SUPT6H: variants seen among roughly 807,000 people sequenced by gnomAD.
The protein encoded by SUPT6H is transcription elongation factor SPT6.
In SUPT6H, 11 loss-of-function variants were observed where a neutral mutation model predicts 222.3. The observed-to-expected ratio is 0.05, with a 90% CI of 0.03 to 0.08. The LOEUF (loss-of-function observed/expected upper bound fraction) is 0.08. SUPT6H is among the 10% of genes least tolerant of loss of function. SUPT6H has a pLI of 1.00. For missense variants in SUPT6H, 1,422 were observed against 2,216.0 expected (o/e 0.64, Z 7.19); for synonymous variants, 762 against 801.2 (o/e 0.95, Z 0.83).
chr17:28,686,269 T>C (rs945356156), intron 19 of SUPT6H, 70 bp from the exon 20 acceptor site: 6 of 1,379,348 alleles, frequency 4.3e-6, no homozygotes, highest in East Asian at 2.3e-5. Flanking sequence ...ATCTCCAACA[T>C]AGGGAGACAG....
chr17:28,696,455 G>A (rs1029083494), intron 29 of SUPT6H, among the ~76,000 whole-genome samples: 1 of 150,656 alleles, frequency 6.6e-6, no homozygotes, highest in Non-Finnish European at 1.5e-5. Flanking sequence ...AAACTAGCCA[G>A]GCGTGGTGGT....
At chr17:28,678,500 C>A in intron 9 of SUPT6H, 45 bp from the exon 10 acceptor site, 1 of 1,579,430 alleles carries the variant, frequency 6.3e-7, no homozygotes, top group Non-Finnish European at 8.7e-7. Flanking sequence ...GGGATCTTAG[C>A]AAATCTGTCT....
chr17:28,674,716 C>T (rs1224407985), intron 4 of SUPT6H, 103 bp downstream of exon 4: 9 of 1,101,024 alleles, frequency 8.2e-6, no homozygotes, highest in Non-Finnish European at 1.3e-5. Context: ...GTTTGGAGAA[C>T]ATTAGAGCAC....
chr17:28,667,471 GTA>G lies in SUPT6H; in HGVS notation c.-32+5135_-32+5136del, dbSNP rs1269661845. Among the ~76,000 whole-genome samples, 24 of 131,208 alleles carry G rather than the reference GTA, an allele frequency of 1.8e-4. No individual in the cohort carries two copies. The South Asian group carries it at 5.0e-3, about 27-fold the overall frequency. The allele number at this position is 131,208 out of a possible 152,430, so 86.1% of individuals were successfully genotyped here. ...TGTGTATACATATGTATGTATATGT[GTA>G]TATATGTGTGTGTATATATGTATAT... On this transcript the variant is annotated intron_variant, in intron 1 of 36. Transcript: ENST00000314616.
chr17:28,691,732 C>T (rs948069170), intron 27 of SUPT6H: 6 of 151,984 alleles, frequency 3.9e-5, no homozygotes, highest in African/African-American at 7.3e-5. Context: ...CACCTGTAGT[C>T]CCAGCCACTC....
intron 26 of SUPT6H, among the ~76,000 whole-genome samples, chr17:28,690,667 G>C (rs532997017): frequency 6.6e-6 from 1 of 152,120 alleles, no homozygotes; most frequent in African/African-American, 2.4e-5. Flanking sequence ...CCAGCTACTC[G>C]GGAGGCTGAG....
chr17:28,677,989 A>G, intron 8 of SUPT6H, 87 bp from the exon 9 acceptor site: 1 of 1,431,536 alleles, frequency 7.0e-7, no homozygotes, highest in East Asian at 2.3e-5. Flanking sequence ...TCATCTAGAA[A>G]GGTTATCCTT....
At chr17:28,663,184 C>T (rs990434622) in intron 1 of SUPT6H, among the ~76,000 whole-genome samples, 2 of 152,132 alleles carry the variant, frequency 1.3e-5, no homozygotes, top group Admixed American at 6.5e-5. Flanking sequence ...TTAATTTCTT[C>T]GGAAAAATGT....
intron 35 of SUPT6H, 89 bp downstream of exon 35, chr17:28,700,601 G>C: frequency 3.3e-6 from 5 of 1,497,042 alleles, no homozygotes; most frequent in Non-Finnish European, 3.6e-6. Flanking sequence ...CACATGCACA[G>C]ATGGGGCTGC....
At chr17:28,700,291 A>G (rs904043047) in intron 34 of SUPT6H, 41 bp downstream of exon 34, 26 of 1,614,188 alleles carry the variant, frequency 1.6e-5, no homozygotes, top group Non-Finnish European at 2.2e-5. Flanking sequence ...GGAAGGATGG[A>G]GCTAAAGGGA....
chr17:28,677,940 C>A, intron 8 of SUPT6H, 124 bp downstream of exon 8: 1 of 1,279,902 alleles, frequency 7.8e-7, no homozygotes, highest in Non-Finnish European at 1.1e-6. Flanking sequence ...TGTATGTAGT[C>A]CCAACAAGTG....
intron 31 of SUPT6H, 46 bp from the exon 32 acceptor site, chr17:28,697,860 C>G: frequency 1.9e-6 from 3 of 1,609,732 alleles, no homozygotes; most frequent in Non-Finnish European, 2.5e-6. Flanking sequence ...ACGTTGTGTA[C>G]CAAGCATGCT....
At chr17:28,675,323 C>A in intron 5 of SUPT6H, 78 bp from the exon 6 acceptor site, 1 of 1,548,102 alleles carries the variant, frequency 6.5e-7, no homozygotes, top group Admixed American at 1.7e-5. Context: ...ACTGGCCACT[C>A]ACATAGTAGG....
intron 20 of SUPT6H, 97 bp from the exon 21 acceptor site, chr17:28,686,557 A>G: frequency 6.5e-7 from 1 of 1,543,832 alleles, no homozygotes; most frequent in East Asian, 2.3e-5. Flanking sequence ...CATTTTCTTC[A>G]AAGCCCTTTC....
chr17:28,674,439 G>A lies in SUPT6H; in HGVS notation c.266G>A (p.Arg89His), dbSNP rs746218200. ...EDDVGHKKRK[R>H]TSFDDRLEDD... ...GATGTTGGCCACAAGAAGAGAAAACGCAGTGAGTAGTCTGTCGTTGGCTCA... is the reference window on the plus strand; with the variant it reads ...GATGTTGGCCACAAGAAGAGAAAACACAGTGAGTAGTCTGTCGTTGGCTCA... The change falls in exon 3 of 37, where the codon CGC becomes CAC. Residue 89 changes from arginine (R) to histidine (H), a missense_variant and splice_region_variant. Physicochemically the swap from Arg to His is conservative, Grantham distance 29. Transcript: ENST00000314616. 40 of 1,613,846 alleles carry A rather than the reference G, an allele frequency of 2.5e-5. No homozygotes were observed. Among genetic ancestry groups the A allele is most frequent in the Non-Finnish European group, 3.1e-5 (36 of 1,179,916 alleles).
At chr17:28,678,485 CAG>C in intron 9 of SUPT6H, 58 bp from the exon 10 acceptor site, 1 of 1,515,462 alleles carries the variant, frequency 6.6e-7, no homozygotes, top group South Asian at 1.1e-5. Flanking sequence ...TATCTACTGA[CAG>C]AGGGGATCTT....
intron 19 of SUPT6H, among the ~76,000 whole-genome samples, chr17:28,686,065 A>G (rs970603435): frequency 2.0e-4 from 31 of 152,190 alleles, no homozygotes; most frequent in African/African-American, 7.5e-4. Context: ...ATTTTGGTTT[A>G]CAATAAAAAA....
Position 28,681,037 on chromosome 17 carries a change from A to G in SUPT6H, c.1350-219A>G, listed in dbSNP as rs1036412780. On this transcript the variant is annotated intron_variant, in intron 11 of 36. Coordinates refer to ENST00000314616, the MANE Select transcript of SUPT6H (RefSeq NM_003170.5). ...GTGGTCACAGTTCGCGGCAGCCTCA[A>G]CCGCCCGGGTTCAAGTGATCATCCC... is the stretch of plus-strand genomic sequence containing the variant. 2.4e-5 allele frequency: 12 copies of G among 497,738 alleles called. 1 individual carries two copies. Among genetic ancestry groups the G allele is most frequent in the Admixed American group, 2.2e-4 (6 of 27,654 alleles). 30.8% of individuals were successfully genotyped at this position (497,738 alleles called of 1,614,324 possible).
chr17:28,667,394 A>AAT (rs1555546879), intron 1 of SUPT6H, among the ~76,000 whole-genome samples: 1 of 59,328 alleles, frequency 1.7e-5, no homozygotes, highest in Non-Finnish European at 3.0e-5. Flanking sequence ...AAAAAAAAAA[A>AAT]GTGTGTGTGT....
Sources: allele counts gnomAD v4.1 joint callset (sites outside exome capture counted in the v4.1 genomes callset), GRCh38; gene constraint gnomAD v4.1.1; transcripts MANE v1.5; gene names NCBI Gene and HGNC (gene_info 2026-07-23, HGNC 2026-07-21).